The following SCAPER variants were observed in gnomAD, a reference collection of about 807,000 sequenced individuals.
The protein encoded by SCAPER is S-phase cyclin A associated protein in the ER.
A neutral mutation model predicts 182.2 loss-of-function variants in SCAPER; 98 were observed. That is an observed-to-expected ratio of 0.54 (90% CI 0.46 to 0.64). The LOEUF (loss-of-function observed/expected upper bound fraction) is 0.64. Ranked by LOEUF, SCAPER falls within the 30% of genes least tolerant of loss-of-function variation. The pLI is 0.00. For missense variants in SCAPER, 1,432 were observed against 1,690.0 expected (o/e 0.85, Z 2.68); for synonymous variants, 605 against 564.6 (o/e 1.07, Z -1.01).
intron 8 of SCAPER, among the ~76,000 whole-genome samples, chr15:76,782,102 CAG>C (rs1298461027): frequency 2.0e-5 from 3 of 151,186 alleles, no homozygotes; most frequent in Non-Finnish European, 3.0e-5. Flanking sequence ...GCAAATTGGA[CAG>C]AGTCAAGACC....
intron 1 of SCAPER, among the ~76,000 whole-genome samples, chr15:76,901,315 C>T (rs1328207219): frequency 6.6e-6 from 1 of 152,168 alleles, no homozygotes; most frequent in Non-Finnish European, 1.5e-5. Flanking sequence ...CTGATTACTT[C>T]TATATATACT....
At chr15:76,706,931 C>CATGT (rs1380342269) in intron 17 of SCAPER, among the ~76,000 whole-genome samples, 1 of 151,972 alleles carries the variant, frequency 6.6e-6, no homozygotes, top group African/African-American at 2.4e-5. Context: ...TTCTCTTAAA[C>CATGT]ATATACAACT....
intron 1 of SCAPER, among the ~76,000 whole-genome samples, chr15:76,903,298 C>T (rs2074902269): frequency 6.6e-6 from 1 of 152,158 alleles, no homozygotes; most frequent in Non-Finnish European, 1.5e-5. Context: ...TACAGTACTG[C>T]TGATTACACT....
At chr15:76,524,334 TA>T (rs2043027854) in intron 23 of SCAPER, among the ~76,000 whole-genome samples, 1 of 152,114 alleles carries the variant, frequency 6.6e-6, no homozygotes, top group Non-Finnish European at 1.5e-5. Context: ...ACAAAAGTGA[TA>T]ATAAGTAGCT....
chr15:76,643,511 G>A (rs773203498), intron 21 of SCAPER, among the ~76,000 whole-genome samples: 16 of 151,922 alleles, frequency 1.1e-4, no homozygotes, highest in Non-Finnish European at 1.8e-4. Context: ...GTGAAACCCC[G>A]TCTCTACTAA....
At chr15:76,359,100 T>C (rs2041211567) in intron 29 of SCAPER, among the ~76,000 whole-genome samples, 1 of 152,088 alleles carries the variant, frequency 6.6e-6, no homozygotes, top group South Asian at 2.1e-4. Context: ...TAGTTATGAG[T>C]GTTTGGTTAG....
At chr15:76,386,612 A>C (rs2043308873) in intron 27 of SCAPER, among the ~76,000 whole-genome samples, 1 of 152,208 alleles carries the variant, frequency 6.6e-6, no homozygotes, top group Admixed American at 6.5e-5. Context: ...GCCATTTCTA[A>C]GGCATTATTT....
At chr15:76,427,901 C>G (rs2046550629) in intron 26 of SCAPER, among the ~76,000 whole-genome samples, 1 of 150,158 alleles carries the variant, frequency 6.7e-6, no homozygotes, top group South Asian at 2.1e-4. Flanking sequence ...TCACTGAACT[C>G]CAGCCTGGGT....
intron 24 of SCAPER, among the ~76,000 whole-genome samples, chr15:76,497,244 G>T (rs2040650565): frequency 6.7e-6 from 1 of 149,968 alleles, no homozygotes; most frequent in African/African-American, 2.4e-5. Flanking sequence ...AAAATCACTT[G>T]AAGTTCTGCA....
intron 21 of SCAPER, among the ~76,000 whole-genome samples, chr15:76,654,804 T>C (rs1022931938): frequency 1.3e-5 from 2 of 152,142 alleles, no homozygotes; most frequent in African/African-American, 2.4e-5. Context: ...TTGGGTCTGG[T>C]TGCAGGGGGC....
At chr15:76,456,290 T>A (rs938024261) in intron 25 of SCAPER, among the ~76,000 whole-genome samples, 1 of 152,206 alleles carries the variant, frequency 6.6e-6, no homozygotes, top group Non-Finnish European at 1.5e-5. Context: ...CCACCTGCAG[T>A]GTAAAAGCGT....
chr15:76,845,883 C>A (rs890439110), intron 4 of SCAPER, among the ~76,000 whole-genome samples: 7 of 151,876 alleles, frequency 4.6e-5, no homozygotes, highest in African/African-American at 7.3e-5. Context: ...CTGGAATACC[C>A]AAGGTTATCC....
intron 16 of SCAPER, 110 bp downstream of exon 16, chr15:76,733,119 A>T: frequency 1.0e-6 from 1 of 960,232 alleles, no homozygotes; most frequent in Non-Finnish European, 1.5e-6. Flanking sequence ...CTTTATTTCT[A>T]CAATCTCCCA....
chr15:76,445,761 T>A (rs1305645641), intron 25 of SCAPER, among the ~76,000 whole-genome samples: 4 of 152,030 alleles, frequency 2.6e-5, no homozygotes, highest in Admixed American at 2.6e-4. Flanking sequence ...AATCTCACTA[T>A]CTCTCAGTAG....
intron 16 of SCAPER, among the ~76,000 whole-genome samples, chr15:76,731,162 A>G (rs2060900021): frequency 6.6e-6 from 1 of 152,214 alleles, no homozygotes; most frequent in South Asian, 2.1e-4. Flanking sequence ...ATGAATCTAT[A>G]TAGCCACAAG....
chr15:76,707,807 C>T (rs1032280890), intron 17 of SCAPER, among the ~76,000 whole-genome samples: 10 of 152,036 alleles, frequency 6.6e-5, no homozygotes, highest in African/African-American at 2.2e-4. Context: ...CACATACTTT[C>T]GAAGAGCACA....
intron 25 of SCAPER, among the ~76,000 whole-genome samples, chr15:76,451,572 G>A (rs573188052): frequency 1.3e-5 from 2 of 152,294 alleles, no homozygotes; most frequent in Admixed American, 6.5e-5. Context: ...AGTCAGAAAC[G>A]TTAATGAGAC....
intron 1 of SCAPER, among the ~76,000 whole-genome samples, chr15:76,891,737 G>A (rs2074179358): frequency 1.3e-5 from 2 of 152,114 alleles, no homozygotes; most frequent in African/African-American, 4.8e-5. Flanking sequence ...TGGCCATACT[G>A]TCCAAGGTAA....
chr15:76,745,436 G>A (rs768984835), intron 15 of SCAPER, among the ~76,000 whole-genome samples: 19 of 152,054 alleles, frequency 1.2e-4, no homozygotes, highest in Non-Finnish European at 2.4e-4. Context: ...GTGACAGAGT[G>A]AGACTCCATC....
Sources: allele counts gnomAD v4.1 joint callset (sites outside exome capture counted in the v4.1 genomes callset), GRCh38; gene constraint gnomAD v4.1.1; transcripts MANE v1.5; gene names NCBI Gene and HGNC (gene_info 2026-07-23, HGNC 2026-07-21).